Variants in SHLD2 observed in about 807,000 individuals in gnomAD.
SHLD2 encodes RINN1-REV7-interacting novel NHEJ regulator 2.
SHLD2 carries 30 observed loss-of-function variants against 73.2 expected under a neutral mutation model. That is an observed-to-expected ratio of 0.41 (90% confidence interval 0.31 to 0.56). The LOEUF is 0.56. Among genes scored for constraint, SHLD2 ranks in the 20% least tolerant of loss-of-function variants. SHLD2 has a pLI of 0.28. For synonymous variants in SHLD2, 285 were observed against 370.1 expected (o/e 0.77, Z 2.64); for missense variants, 745 against 1,055.9 (o/e 0.71, Z 4.08).
At chr10:87,177,396 G>A (rs1473933471) in intron 7 of SHLD2, among the ~76,000 whole-genome samples, 1 of 151,814 alleles carries the variant, frequency 6.6e-6, no homozygotes, top group African/African-American at 2.4e-5. Context: ...ACTTGTTTGA[G>A]GACGCAGCCA....
intron 2 of SHLD2, among the ~76,000 whole-genome samples, chr10:87,104,839 T>G (rs1842501193): frequency 6.6e-6 from 1 of 151,902 alleles, no homozygotes; most frequent in Non-Finnish European, 1.5e-5. Context: ...TTTTGTACTT[T>G]CAGTAGAGAT....
At position 87,170,822 on chromosome 10, in the gene SHLD2, C is replaced by T. The variant is rs534628568; in HGVS notation, c.1829-18C>T. ...TGATAGAGTAATGCCAACTAAGGTA[C>T]TCATTTTCCTTTTCCAGAGGCAGTA... On this transcript the variant is annotated intron_variant, in intron 5 of 9. Coordinates refer to ENST00000298786, the MANE Select transcript of SHLD2 (RefSeq NM_001330112.2). The T allele has an allele frequency of 6.2e-7, 1 of 1,612,114 alleles. No individual in the cohort carries two copies. The highest frequency in any genetic ancestry group is 1.3e-5 in the African/African-American group (1 of 74,938).
At chr10:87,119,421 A>T (rs561235755) in intron 2 of SHLD2, among the ~76,000 whole-genome samples, 5,188 of 152,008 alleles carry the variant, frequency 0.034, 119 homozygotes, top group Middle Eastern at 0.11. Flanking sequence ...GAACATGTGA[A>T]GTATCTTTTC....
intron 6 of SHLD2, among the ~76,000 whole-genome samples, chr10:87,172,128 T>G (rs376474554): frequency 6.6e-6 from 1 of 152,210 alleles, no homozygotes; most frequent in Non-Finnish European, 1.5e-5. Flanking sequence ...GGAATTAAGA[T>G]GTTGTTGTTC....
At chr10:87,106,093 TC>T (rs1409642896) in intron 2 of SHLD2, among the ~76,000 whole-genome samples, 1 of 152,108 alleles carries the variant, frequency 6.6e-6, no homozygotes, top group African/African-American at 2.4e-5. Flanking sequence ...AACCTCCGCC[TC>T]CTGGGTTCAA....
intron 2 of SHLD2, among the ~76,000 whole-genome samples, chr10:87,125,961 T>A (rs1843977935): frequency 6.6e-6 from 1 of 152,132 alleles, no homozygotes. Context: ...CAGTAATTTT[T>A]GCAATTTTTT....
intron 2 of SHLD2, among the ~76,000 whole-genome samples, chr10:87,142,893 A>G (rs934464930): frequency 7.3e-6 from 1 of 137,178 alleles, no homozygotes; most frequent in Non-Finnish European, 1.6e-5. Flanking sequence ...CATGATTACT[A>G]GTCTTAAATT....
At chr10:87,153,553 AACC>A (rs1372001074) in intron 3 of SHLD2, among the ~76,000 whole-genome samples, 4 of 152,242 alleles carry the variant, frequency 2.6e-5, no homozygotes, top group African/African-American at 9.6e-5. Flanking sequence ...AACTTCATAT[AACC>A]ACCAATAGAG....
intron 4 of SHLD2, among the ~76,000 whole-genome samples, chr10:87,161,989 AAGAT>A (rs1409131846): frequency 6.6e-5 from 10 of 151,752 alleles, no homozygotes; most frequent in Non-Finnish European, 1.2e-4. Context: ...ATATATGACA[AAGAT>A]AGTATCTGGA....
intron 2 of SHLD2, among the ~76,000 whole-genome samples, chr10:87,107,341 G>A (rs1842665869): frequency 6.6e-6 from 1 of 152,160 alleles, no homozygotes; most frequent in Non-Finnish European, 1.5e-5. Flanking sequence ...TTGAACCTGG[G>A]AGGCAGAGGT....
At chr10:87,189,002 CTTT>C (rs10708013) in intron 9 of SHLD2, among the ~76,000 whole-genome samples, 7 of 113,940 alleles carry the variant, frequency 6.1e-5, no homozygotes, top group Non-Finnish European at 5.4e-5. Flanking sequence ...GTAATCTCTT[CTTT>C]TTTTTTTTTT....
rs1847551104 is a variant in SHLD2, at chr10:87,170,873, A to T, written c.1862A>T (p.Lys621Ile). The change falls in exon 6 of 10, where the codon AAA becomes ATA. Residue 621 changes from lysine (K) to isoleucine (I), a missense_variant. Physicochemically the swap from Lys to Ile is moderately radical, Grantham distance 102 (BLOSUM62 -3). Coordinates refer to ENST00000298786, the MANE Select transcript of SHLD2 (RefSeq NM_001330112.2). ...TACAGTTATAGAGGACAGAAGCAGA[A>T]AAAAGTTATGTTAACAGTGGAACAG... Reference protein sequence around the residue: ...AVYSYRGQKQKKVMLTVEQAQ... With the variant: ...AVYSYRGQKQIKVMLTVEQAQ... 6.2e-7 allele frequency: 1 copy of T among 1,611,418 alleles called. No homozygotes were observed. The highest frequency in any genetic ancestry group is 8.5e-7 in the Non-Finnish European group (1 of 1,179,660).
At position 87,190,596 on chromosome 10, in the gene SHLD2, T is replaced by G. The variant is rs1314745203; in HGVS notation, c.2628T>G (p.Asp876Glu). Residue 876 changes from aspartate to glutamate, a missense_variant, in exon 10 of 10, where the codon GAT (aspartate) becomes GAG (glutamate). By Grantham distance (45) the Asp-to-Glu change is conservative. Around this residue, in one of 5 missense-constraint regions of SHLD2, gnomAD observed 418 missense variants for 567.8 expected, o/e 0.74. Coordinates refer to ENST00000298786, the MANE Select transcript of SHLD2 (RefSeq NM_001330112.2). ...VLKIQSLFVL[D>E]ENSYPLQQDF... The stretch of plus-strand genomic sequence containing the variant: ...AGATTCAGAGCCTTTTTGTGTTAGA[T>G]GAAAACAGCTATCCATTACAACAAG... 3.1e-6 allele frequency: 5 copies of G among 1,611,842 alleles called. No individual in the cohort carries two copies. In the African/African-American group the frequency reaches 4.0e-5, roughly 13 times the overall value.
chr10:87,182,708 A>G (rs1451740633), intron 8 of SHLD2, among the ~76,000 whole-genome samples: 1 of 152,096 alleles, frequency 6.6e-6, no homozygotes, highest in Non-Finnish European at 1.5e-5. Context: ...AGCACTAGGA[A>G]ATGTTTGGGT....
At chr10:87,148,943 G>A (rs1371498506) in intron 2 of SHLD2, among the ~76,000 whole-genome samples, 1 of 150,678 alleles carries the variant, frequency 6.6e-6, no homozygotes, top group Non-Finnish European at 1.5e-5. Flanking sequence ...TGGAGTGCTG[G>A]AGTGCAGTGG....
intron 2 of SHLD2, among the ~76,000 whole-genome samples, chr10:87,129,902 A>G (rs1372540527): frequency 6.6e-6 from 1 of 152,184 alleles, no homozygotes; most frequent in Admixed American, 6.5e-5. Context: ...ATTACAGTGT[A>G]GTATCTTCTG....
At chr10:87,116,363 A>G (rs1424018386) in intron 2 of SHLD2, among the ~76,000 whole-genome samples, 1 of 150,916 alleles carries the variant, frequency 6.6e-6, no homozygotes, top group African/African-American at 2.4e-5. Flanking sequence ...AAAGGAAGGG[A>G]GAAGTTGAAG....
chr10:87,094,997 C>T (rs892269951), upstream of SHLD2: 28 of 164,052 alleles, frequency 1.7e-4, no homozygotes, highest in Non-Finnish European at 2.8e-4. The surrounding 1 kb of genome is among the most constrained non-coding windows in gnomAD (Gnocchi z 6.6). Context: ...CGCGGCCTCC[C>T]CGGGCCTCGC....
chr10:87,157,834 T>C (rs1319158384), intron 3 of SHLD2, among the ~76,000 whole-genome samples: 3 of 152,232 alleles, frequency 2.0e-5, no homozygotes, highest in African/African-American at 4.8e-5. Flanking sequence ...ACTGCTATCA[T>C]TTGAATATAA....
Sources: allele counts gnomAD v4.1 joint callset (sites outside exome capture counted in the v4.1 genomes callset), GRCh38; gene constraint gnomAD v4.1.1; regional missense constraint gnomAD v4.1.1; non-coding constraint Gnocchi (gnomAD v3.1); transcripts MANE v1.5; gene names NCBI Gene and HGNC (gene_info 2026-07-23, HGNC 2026-07-21).